Variants in DAB1 observed in about 807,000 individuals in gnomAD.
DAB1 encodes the protein DAB adaptor protein 1, also known as disabled homolog 1.
In DAB1, 15 loss-of-function variants were observed where a neutral mutation model predicts 64.6. That is an observed-to-expected ratio of 0.23 (90% CI 0.16 to 0.36). DAB1 has a LOEUF of 0.36. Among genes scored for constraint, DAB1 ranks in the 10% least tolerant of loss-of-function variants. The pLI is 1.00. For missense variants in DAB1, 596 were observed against 706.7 expected (o/e 0.84, Z 1.78); for synonymous variants, 235 against 251.9 (o/e 0.93, Z 0.64).
At chr1:57,304,548 T>C (rs891485443) in intron 1 of DAB1, among the ~76,000 whole-genome samples, 75 of 152,336 alleles carry the variant, frequency 4.9e-4, no homozygotes, top group African/African-American at 1.7e-3. Flanking sequence ...GGCAAATCTC[T>C]TGAAGTCTTT....
intron 1 of DAB1, among the ~76,000 whole-genome samples, chr1:57,334,023 G>A (rs370133199): frequency 2.0e-5 from 3 of 152,282 alleles, no homozygotes; most frequent in East Asian, 1.9e-4. Flanking sequence ...GTATTTGGGG[G>A]AAAGGGAAAC....
intron 4 of DAB1, among the ~76,000 whole-genome samples, chr1:58,203,288 G>A (rs1044731896): frequency 1.3e-5 from 2 of 152,002 alleles, no homozygotes; most frequent in South Asian, 2.1e-4. Context: ...TATCTGTTTT[G>A]GATTCACCAT....
At chr1:57,852,719 C>CT (rs1216597917) in intron 1 of DAB1, among the ~76,000 whole-genome samples, 1 of 152,138 alleles carries the variant, frequency 6.6e-6, no homozygotes, top group Non-Finnish European at 1.5e-5. Flanking sequence ...AACCCTACCT[C>CT]TCCTCCTGCC....
At chr1:57,482,495 A>AC (rs1396960089) in intron 7 of DAB1, among the ~76,000 whole-genome samples, 1 of 151,104 alleles carries the variant, frequency 6.6e-6, no homozygotes, top group East Asian at 1.9e-4. Context: ...AAAAAAAAAA[A>AC]AAAAAAAAAC....
intron 7 of DAB1, among the ~76,000 whole-genome samples, chr1:57,641,746 A>T (rs1188362178): frequency 6.6e-6 from 1 of 151,898 alleles, no homozygotes; most frequent in Non-Finnish European, 1.5e-5. Flanking sequence ...CAGAACAGAT[A>T]CTCTCCAAGT....
chr1:57,300,195 A>C (rs1673526142), intron 1 of DAB1, among the ~76,000 whole-genome samples: 1 of 152,250 alleles, frequency 6.6e-6, no homozygotes, highest in Non-Finnish European at 1.5e-5. Flanking sequence ...GTAGTTATTA[A>C]ACACCTATTC....
intron 3 of DAB1, among the ~76,000 whole-genome samples, chr1:58,441,985 A>G (rs1030990122): frequency 2.0e-5 from 3 of 152,188 alleles, no homozygotes; most frequent in African/African-American, 4.8e-5. Flanking sequence ...GCCTCTCTCC[A>G]GCACATCACT....
chr1:57,614,806 A>C (rs937137113), intron 7 of DAB1, among the ~76,000 whole-genome samples: 12 of 148,796 alleles, frequency 8.1e-5, no homozygotes, highest in Non-Finnish European at 3.0e-5. Context: ...TCCATAGTGG[A>C]TATTGTAAAA....
intron 7 of DAB1, among the ~76,000 whole-genome samples, chr1:57,482,643 T>C (rs1204681211): frequency 4.6e-5 from 7 of 152,172 alleles, no homozygotes; most frequent in Non-Finnish European, 8.8e-5. Context: ...TTCAAATTGT[T>C]TTACAAATTA....
chr1:58,059,272 C>T (rs1395989700), intron 5 of DAB1, among the ~76,000 whole-genome samples: 7 of 152,240 alleles, frequency 4.6e-5, no homozygotes, highest in Non-Finnish European at 1.5e-5. Context: ...TCCATCTCTG[C>T]TATACTCTAG....
At chr1:57,474,595 T>G (rs1016107924) in intron 7 of DAB1, among the ~76,000 whole-genome samples, 3 of 152,182 alleles carry the variant, frequency 2.0e-5, no homozygotes, top group African/African-American at 7.2e-5. Flanking sequence ...GACTCTGCAG[T>G]AAAATATTTA....
intron 5 of DAB1, among the ~76,000 whole-genome samples, chr1:57,927,814 T>G (rs1029582073): frequency 6.6e-6 from 1 of 152,336 alleles, no homozygotes; most frequent in South Asian, 2.1e-4. Flanking sequence ...GAACTCTTTT[T>G]TATCCCCAAC....
intron 1 of DAB1, among the ~76,000 whole-genome samples, chr1:57,402,431 C>T (rs865960847): frequency 1.3e-5 from 2 of 152,100 alleles, no homozygotes; most frequent in East Asian, 1.9e-4. Flanking sequence ...GTTACAGTCA[C>T]GTTTAAGGGC....
chr1:57,561,559 G>A (rs1645051981), intron 7 of DAB1, among the ~76,000 whole-genome samples: 1 of 152,210 alleles, frequency 6.6e-6, no homozygotes, highest in South Asian at 2.1e-4. Flanking sequence ...TGTATCCCAT[G>A]TGAATGCTCA....
chr1:57,224,121 T>C (rs929854888), intron 2 of DAB1, among the ~76,000 whole-genome samples: 1 of 152,184 alleles, frequency 6.6e-6, no homozygotes, highest in African/African-American at 2.4e-5. Flanking sequence ...GCAGGCACCA[T>C]ATCAGGCTTA....
intron 4 of DAB1, among the ~76,000 whole-genome samples, chr1:58,297,821 G>A (rs1482563296): frequency 1.3e-5 from 2 of 152,156 alleles, no homozygotes; most frequent in African/African-American, 2.4e-5. Flanking sequence ...AGTAGAAGCA[G>A]GTTGAACAAA....
intron 8 of DAB1, among the ~76,000 whole-genome samples, chr1:57,063,980 C>T (rs1483468025): frequency 6.6e-6 from 1 of 152,212 alleles, no homozygotes; most frequent in Non-Finnish European, 1.5e-5. Flanking sequence ...ACATGCCTTT[C>T]TTTCCATCAT....
chr1:57,409,952 T>C (rs1683975357), intron 1 of DAB1, among the ~76,000 whole-genome samples: 1 of 152,150 alleles, frequency 6.6e-6, no homozygotes, highest in African/African-American at 2.4e-5. Flanking sequence ...AAAAACTTCC[T>C]CCCCCACTGA....
chr1:57,752,995 G>C lies in DAB1; in HGVS notation n.552-103330C>G, dbSNP rs368601919. On this transcript the variant is annotated intron_variant and non_coding_transcript_variant, in intron 6 of 20. Coordinates refer to the DAB1 transcript ENST00000485760. ...CTGCAACTGGATTACAAGCAAAAGG[G>C]TAATTCATGAAGTTGCTGACCTGTG... Among the ~76,000 whole-genome samples the C allele has an allele frequency of 7.2e-5, 11 of 152,294 alleles. No homozygotes were observed. In the East Asian group the frequency reaches 1.9e-3, roughly 27 times the overall value.
Sources: allele counts gnomAD v4.1 joint callset (sites outside exome capture counted in the v4.1 genomes callset), GRCh38; gene constraint gnomAD v4.1.1; transcripts MANE v1.5; gene names NCBI Gene and HGNC (gene_info 2026-07-23, HGNC 2026-07-21).